PTPRD: variants seen among roughly 807,000 people sequenced by gnomAD.
PTPRD encodes protein tyrosine phosphatase receptor type D, also known as receptor-type tyrosine-protein phosphatase delta.
A neutral mutation model predicts 214.5 loss-of-function variants in PTPRD; 34 were observed. That is an observed-to-expected ratio of 0.16 (90% CI 0.12 to 0.21). The LOEUF (loss-of-function observed/expected upper bound fraction) is 0.21, where lower values mean the gene tolerates loss of function less well. Ranked by LOEUF, PTPRD falls within the 10% of genes least tolerant of loss-of-function variation. The pLI, the probability that PTPRD is intolerant of heterozygous loss-of-function variation, is 1.00. For synonymous variants in PTPRD, 1,128 were observed against 845.7 expected, an observed-to-expected ratio of 1.33 and a Z score of -5.79; for missense variants, 2,545 against 2,398.7, an observed-to-expected ratio of 1.06 and a Z score of -1.27.
intron 8 of PTPRD, among the ~76,000 whole-genome samples, chr9:9,437,605 C>A (rs1269756735): frequency 6.6e-6 from 1 of 152,182 alleles, no homozygotes; most frequent in Non-Finnish European, 1.5e-5. Context: ...TATCACACTT[C>A]TTGGGATCAG....
chr9:9,757,830 A>G lies in PTPRD; in HGVS notation c.-326+8980T>C, dbSNP rs113827549. 2.5e-3 allele frequency among the ~76,000 whole-genome samples: 380 copies of G among 152,206 alleles called. 3 individuals carry two copies. Among genetic ancestry groups the G allele is most frequent in the African/African-American group, 8.7e-3 (363 of 41,506 alleles). ...TACTTTTAACCATCTTACTCATCATAACTAAGAATTTTGACTCTGCTAATT... is the reference window on the plus strand; with the variant it reads ...TACTTTTAACCATCTTACTCATCATGACTAAGAATTTTGACTCTGCTAATT... On this transcript the variant is annotated intron_variant, in intron 6 of 45. Coordinates refer to ENST00000381196, the MANE Select transcript of PTPRD (RefSeq NM_002839.4).
intron 11 of PTPRD, among the ~76,000 whole-genome samples, chr9:8,878,173 G>A (rs2098411065): frequency 6.6e-6 from 1 of 152,180 alleles, no homozygotes; most frequent in South Asian, 2.1e-4. Context: ...GGAACTGTAT[G>A]AAACACTGTG....
At chr9:8,870,580 G>A (rs771775551) in intron 11 of PTPRD, among the ~76,000 whole-genome samples, 1 of 151,976 alleles carries the variant, frequency 6.6e-6, no homozygotes, top group Non-Finnish European at 1.5e-5. Flanking sequence ...CAACTATTCT[G>A]GTTACAGTTG....
chr9:9,636,163 G>C (rs2095759505), intron 7 of PTPRD, among the ~76,000 whole-genome samples: 1 of 151,866 alleles, frequency 6.6e-6, no homozygotes, highest in East Asian at 1.9e-4. Flanking sequence ...ACACTTTTTT[G>C]CCCACTCCTC....
chr9:9,866,887 C>G (rs931294185), intron 5 of PTPRD, among the ~76,000 whole-genome samples: 4 of 152,102 alleles, frequency 2.6e-5, no homozygotes, highest in Admixed American at 6.5e-5. Flanking sequence ...TCTAGAACAA[C>G]AAAGTTCCTA....
intron 14 of PTPRD, among the ~76,000 whole-genome samples, chr9:8,626,345 C>A (rs1235283951): frequency 6.6e-6 from 1 of 151,812 alleles, no homozygotes; most frequent in African/African-American, 2.4e-5. Flanking sequence ...CTTAATCACA[C>A]CTTTTCTCAC....
At chr9:8,909,942 T>C (rs1368842969) in intron 11 of PTPRD, among the ~76,000 whole-genome samples, 1 of 151,642 alleles carries the variant, frequency 6.6e-6, no homozygotes, top group Admixed American at 6.6e-5. Flanking sequence ...TGATCTGGCA[T>C]GTAGAACATC....
intron 10 of PTPRD, among the ~76,000 whole-genome samples, chr9:9,029,934 T>G (rs1235003201): frequency 6.6e-6 from 1 of 151,914 alleles, no homozygotes; most frequent in Admixed American, 6.6e-5. Flanking sequence ...CAGCACGATT[T>G]CAGGTGGTGA....
chr9:9,623,700 A>T (rs1468923131), intron 7 of PTPRD, among the ~76,000 whole-genome samples: 1 of 152,180 alleles, frequency 6.6e-6, no homozygotes, highest in Non-Finnish European at 1.5e-5. Flanking sequence ...TACAAATCCA[A>T]ATTCCTGGGT....
chr9:8,502,467 C>T lies in PTPRD; in HGVS notation c.1823-1408G>A, dbSNP rs897645124. On this transcript the variant is annotated intron_variant, in intron 23 of 45. Coordinates refer to ENST00000381196, the MANE Select transcript of PTPRD (RefSeq NM_002839.4). ...TGTACGTGCCTTGTGTTCATTATTA[C>T]AGTCCATCAAAATAAAAGCTCTCTG... Among the ~76,000 whole-genome samples the T allele has an allele frequency of 3.3e-5, 5 of 152,106 alleles. No individual in the cohort carries two copies. In the East Asian group the frequency reaches 9.7e-4, roughly 29 times the overall value.
intron 5 of PTPRD, among the ~76,000 whole-genome samples, chr9:9,878,023 A>T (rs2067421279): frequency 6.6e-6 from 1 of 150,996 alleles, no homozygotes; most frequent in Non-Finnish European, 1.5e-5. Context: ...CACTATATCC[A>T]TCGGTTGCCC....
intron 8 of PTPRD, among the ~76,000 whole-genome samples, chr9:9,514,025 C>G (rs1023545164): frequency 6.6e-6 from 1 of 151,988 alleles, no homozygotes; most frequent in Admixed American, 6.6e-5. Flanking sequence ...CCTGGAGAGC[C>G]TTAATTCTAT....
intron 11 of PTPRD, among the ~76,000 whole-genome samples, chr9:8,745,578 A>G (rs141682909): frequency 1.9e-4 from 29 of 152,308 alleles, no homozygotes; most frequent in African/African-American, 3.1e-4. Flanking sequence ...TAAAGGGTCA[A>G]TCTTTAACTT....
intron 3 of PTPRD, among the ~76,000 whole-genome samples, chr9:10,046,954 G>C (rs75630636): frequency 0.03 from 4,566 of 151,922 alleles, 128 homozygotes; most frequent in Admixed American, 0.09. Flanking sequence ...ATATTTTATT[G>C]ATAATAAGTA....
chr9:9,023,615 G>A (rs959241231), intron 10 of PTPRD, among the ~76,000 whole-genome samples: 1 of 151,934 alleles, frequency 6.6e-6, no homozygotes. Context: ...TCCAGCTAGT[G>A]AGTATAGTAC....
intron 11 of PTPRD, among the ~76,000 whole-genome samples, chr9:8,982,000 T>C (rs1303997822): frequency 6.6e-6 from 1 of 152,034 alleles, no homozygotes; most frequent in Admixed American, 6.6e-5. Flanking sequence ...AGACTTACTA[T>C]AAATGAAAGT....
At chr9:9,435,632 C>T (rs1457187739) in intron 8 of PTPRD, among the ~76,000 whole-genome samples, 1 of 152,044 alleles carries the variant, frequency 6.6e-6, no homozygotes, top group East Asian at 1.9e-4. Flanking sequence ...AACTATTTTC[C>T]AGCAAGCACA....
chr9:10,086,480 G>A (rs750302618), intron 3 of PTPRD, among the ~76,000 whole-genome samples: 5 of 151,804 alleles, frequency 3.3e-5, no homozygotes, highest in South Asian at 2.1e-4. Context: ...AGTGGAAAGC[G>A]AATCTATTTC....
At chr9:8,358,126 A>G (rs2077439855) in intron 39 of PTPRD, among the ~76,000 whole-genome samples, 1 of 152,158 alleles carries the variant, frequency 6.6e-6, no homozygotes, top group African/African-American at 2.4e-5. Flanking sequence ...TGTTTCACAC[A>G]TGGCATAGTT....
Sources: allele counts gnomAD v4.1 joint callset (sites outside exome capture counted in the v4.1 genomes callset), GRCh38; gene constraint gnomAD v4.1.1; transcripts MANE v1.5; gene names NCBI Gene and HGNC (gene_info 2026-07-23, HGNC 2026-07-21).